CALN1: variants seen among roughly 807,000 people sequenced by gnomAD.
The protein encoded by CALN1 is calneuron 1.
CALN1 carries 17 observed loss-of-function variants against 30.6 expected under a neutral mutation model. That is an observed-to-expected ratio of 0.56 (90% CI 0.38 to 0.83). The LOEUF (loss-of-function observed/expected upper bound fraction) is 0.83, where lower values mean the gene tolerates loss of function less well. CALN1 is among the 40% of genes least tolerant of loss of function. The probability of loss-of-function intolerance (pLI) is 0.00; values close to 1 mark genes in which losing one functional copy is unlikely to be tolerated. For synonymous variants in CALN1, 156 were observed against 131.4 expected (o/e 1.19, Z -1.28); for missense variants, 291 against 354.9 (o/e 0.82, Z 1.45).
At chr7:72,008,150 T>A (rs1799876796) in intron 5 of CALN1, among the ~76,000 whole-genome samples, 1 of 152,150 alleles carries the variant, frequency 6.6e-6, no homozygotes, top group African/African-American at 2.4e-5. Context: ...TTTGCAGAAA[T>A]CAAACACATA....
intron 2 of CALN1, among the ~76,000 whole-genome samples, chr7:72,367,046 ATAATG>A (rs147836246): frequency 0.025 from 3,862 of 152,280 alleles, 153 homozygotes; most frequent in African/African-American, 0.086. Context: ...CCTCACAAAT[ATAATG>A]TTGAGTCAAA....
At chr7:72,381,510 A>G (rs117736957) in intron 2 of CALN1, among the ~76,000 whole-genome samples, 410 of 152,366 alleles carry the variant, frequency 2.7e-3, no homozygotes, top group Non-Finnish European at 4.3e-3. Context: ...CAGCCATAAA[A>G]AAGAATGAGT....
At chr7:71,974,211 A>G (rs1584652252) in intron 5 of CALN1, among the ~76,000 whole-genome samples, 1 of 152,214 alleles carries the variant, frequency 6.6e-6, no homozygotes, top group East Asian at 1.9e-4. Context: ...TGAGGTCAGG[A>G]GTTCGAGACC....
At chr7:72,376,731 T>C (rs1304489426) in intron 2 of CALN1, among the ~76,000 whole-genome samples, 1 of 152,226 alleles carries the variant, frequency 6.6e-6, no homozygotes, top group Non-Finnish European at 1.5e-5. Context: ...ATTTATCTAT[T>C]TCTTATTTTG....
intron 5 of CALN1, among the ~76,000 whole-genome samples, chr7:71,836,439 G>A (rs917402064): frequency 6.6e-6 from 1 of 152,052 alleles, no homozygotes; most frequent in South Asian, 2.1e-4. Flanking sequence ...TGGTGCAATC[G>A]CATCTCTGCA....
intron 5 of CALN1, among the ~76,000 whole-genome samples, chr7:71,824,509 C>CGCTGCTG (rs1788797944): frequency 6.6e-6 from 1 of 152,120 alleles, no homozygotes; most frequent in African/African-American, 2.4e-5. Flanking sequence ...GCCCAGAGCT[C>CGCTGCTG]GCTGCTGGCT....
intron 6 of CALN1, among the ~76,000 whole-genome samples, chr7:71,801,440 C>T (rs200795921): frequency 5.0e-3 from 753 of 149,590 alleles, no homozygotes; most frequent in African/African-American, 0.018. Context: ...ATCTATCTAT[C>T]TATCTATCTA....
chr7:72,054,896 A>G (rs1162737035), intron 4 of CALN1, among the ~76,000 whole-genome samples: 1 of 152,102 alleles, frequency 6.6e-6, no homozygotes, highest in Non-Finnish European at 1.5e-5. Context: ...TGCTCTGGAA[A>G]CTAAAATAAA....
chr7:72,259,897 T>G (rs1483931839), intron 3 of CALN1, among the ~76,000 whole-genome samples: 3 of 152,170 alleles, frequency 2.0e-5, no homozygotes, highest in African/African-American at 7.2e-5. Flanking sequence ...CCACAACCAA[T>G]GCAACCTTTT....
chr7:71,882,121 G>A (rs766077400), intron 5 of CALN1, among the ~76,000 whole-genome samples: 42 of 152,072 alleles, frequency 2.8e-4, no homozygotes, highest in Non-Finnish European at 4.3e-4. Context: ...GCAGGATCAC[G>A]TTCCTTCTGG....
At chr7:72,379,931 A>G (rs1804788661) in intron 2 of CALN1, among the ~76,000 whole-genome samples, 1 of 152,134 alleles carries the variant, frequency 6.6e-6, no homozygotes, top group African/African-American at 2.4e-5. Flanking sequence ...CCACTCACTC[A>G]ACTTCACTCA....
intron 5 of CALN1, among the ~76,000 whole-genome samples, chr7:71,826,666 G>A (rs1054353197): frequency 1.4e-4 from 21 of 152,060 alleles, no homozygotes; most frequent in African/African-American, 4.6e-4. Flanking sequence ...TTGCCTGCCC[G>A]GCATCAGATG....
intron 3 of CALN1, among the ~76,000 whole-genome samples, chr7:72,252,724 C>T (rs1174202083): frequency 7.2e-5 from 11 of 152,236 alleles, no homozygotes; most frequent in African/African-American, 2.6e-4. Context: ...CACCGTATCT[C>T]GTCTGGATTA....
chr7:71,789,765 A>C (rs1167077329), intron 6 of CALN1, among the ~76,000 whole-genome samples: 1 of 152,132 alleles, frequency 6.6e-6, no homozygotes, highest in African/African-American at 2.4e-5. Context: ...TCTCAATCAA[A>C]AGGCATGAAT....
At chr7:71,826,032 CAAAAAAAAA>C (rs57512202) in intron 5 of CALN1, among the ~76,000 whole-genome samples, 2 of 43,846 alleles carry the variant, frequency 4.6e-5, no homozygotes, top group African/African-American at 8.4e-5. Flanking sequence ...GACTCTGTCT[CAAAAAAAAA>C]AAAAAAAAAA....
intron 5 of CALN1, among the ~76,000 whole-genome samples, chr7:71,847,908 C>A (rs543121131): frequency 2.0e-5 from 3 of 152,212 alleles, no homozygotes; most frequent in African/African-American, 4.8e-5. Flanking sequence ...CTTGCCACCA[C>A]CATGTAAGAA....
intron 3 of CALN1, among the ~76,000 whole-genome samples, chr7:72,205,551 A>AATATATATATATATATAT (rs1554319583): frequency 1.3e-4 from 11 of 83,006 alleles, no homozygotes; most frequent in African/African-American, 2.2e-4. Context: ...GCAAAAAAAA[A>AATATATATATATATATAT]ATATATATAT....
At chr7:72,502,926 G>T in the CALN1 span, among the ~76,000 whole-genome samples, 1 of 152,160 alleles carries the variant, frequency 6.6e-6, no homozygotes, top group Non-Finnish European at 1.5e-5. Context: ...GCCAAAGGAG[G>T]CAGATTGCTT....
At chr7:71,955,392 C>A (rs752227009) in intron 5 of CALN1, among the ~76,000 whole-genome samples, 1 of 151,994 alleles carries the variant, frequency 6.6e-6, no homozygotes, top group Non-Finnish European at 1.5e-5. Context: ...AATGACACAG[C>A]GGAGAGGTTG....
Sources: gnomAD v4.1 joint callset for allele counts (sites outside exome capture counted in the v4.1 genomes callset) on GRCh38, gnomAD v4.1.1 for gene constraint, MANE v1.5 for transcripts, NCBI Gene and HGNC (gene_info 2026-07-23, HGNC 2026-07-21) for gene names.